Variants in TRIM66 observed in about 807,000 individuals in gnomAD.
The protein encoded by TRIM66 is tripartite motif containing 66.
Under a neutral mutation model 148.2 loss-of-function variants are expected in TRIM66, and 99 were observed. The ratio of observed to expected loss-of-function variants is 0.67; its 90% CI spans 0.57 to 0.79. The LOEUF is 0.79. Ranked by LOEUF, TRIM66 falls within the 30% of genes least tolerant of loss-of-function variation. The probability of loss-of-function intolerance (pLI) is 0.00; values close to 1 mark genes in which losing one functional copy is unlikely to be tolerated. For missense variants in TRIM66, 1,666 were observed against 1,697.9 expected (o/e 0.98, Z 0.33); for synonymous variants, 616 against 635.9 (o/e 0.97, Z 0.47).
intron 15 of TRIM66, 86 bp downstream of exon 15, chr11:8,638,568 C>G: frequency 6.9e-7 from 1 of 1,455,144 alleles, no homozygotes; most frequent in East Asian, 2.5e-5. Context: ...CGCTCCTCCC[C>G]CCACCCTATC....
At chr11:8,683,155 C>G (rs770360307), upstream of TRIM66, 1 of 1,573,700 alleles carries the variant, frequency 6.4e-7, no homozygotes, top group Non-Finnish European at 8.7e-7. Flanking sequence ...GGCATCGCCC[C>G]CTGCCCCTAA....
chr11:8,654,609 T>C (rs1944525593), intron 6 of TRIM66: 1 of 152,218 alleles, frequency 6.6e-6, no homozygotes, highest in Non-Finnish European at 1.5e-5. Flanking sequence ...CAGTTGGTAT[T>C]AAAGGATATT....
chr11:8,641,013 C>T lies in TRIM66; in HGVS notation c.1362G>A (p.Lys454=). Residue 454 remains lysine, a synonymous_variant, in exon 14 of 25, where the codon AAG becomes AAA. Coordinates refer to ENST00000646038, the MANE Select transcript of TRIM66 (RefSeq NM_001388022.1). ...QQEALSHPSH[K]FQSPAVCSSS... ...AGGAGCACACTGCTGGAGACTGGAACTTGTGTGAGGGGTGGCTAAGAGCCT... is the reference window on the plus strand; with the variant it reads ...AGGAGCACACTGCTGGAGACTGGAATTTGTGTGAGGGGTGGCTAAGAGCCT... 1 of 1,551,566 alleles carries T rather than the reference C, an allele frequency of 6.4e-7. No individual in the cohort carries two copies. Among genetic ancestry groups the T allele is most frequent in the South Asian group, 1.2e-5 (1 of 84,052 alleles).
At chr11:8,648,384 C>G in intron 9 of TRIM66, 32 bp downstream of exon 9, 1 of 1,549,166 alleles carries the variant, frequency 6.5e-7, no homozygotes, top group South Asian at 1.2e-5. Context: ...AGAGCCCTCC[C>G]CAGCCCATTT....
intron 6 of TRIM66, among the ~76,000 whole-genome samples, chr11:8,671,166 C>A (rs2038909367): frequency 6.6e-6 from 1 of 152,236 alleles, no homozygotes; most frequent in African/African-American, 2.4e-5. Flanking sequence ...AACGGTATTT[C>A]TAAGTGTTGC....
In TRIM66 at chr11:8,674,641, C is replaced by T. The variant is rs535561360; in HGVS notation, c.-112+165G>A. ...GACTCAAGCGATCCTCCATTTTGGC[C>T]GCCCGAAGTGCTGGGATTATAGGCG... On this transcript the variant is annotated intron_variant, in intron 4 of 24. Transcript: ENST00000646038. Among the ~76,000 whole-genome samples the T allele has an allele frequency of 2.0e-5, 3 of 152,104 alleles. No individual in the cohort carries two copies. The South Asian group carries it at 6.2e-4, about 32-fold the overall frequency.
intron 12 of TRIM66, among the ~76,000 whole-genome samples, chr11:8,644,767 T>C (rs1348590183): frequency 6.6e-6 from 1 of 152,194 alleles, no homozygotes; most frequent in Non-Finnish European, 1.5e-5. Flanking sequence ...CTGTCTCTAC[T>C]TCGTCACCAC....
intron 7 of TRIM66, 113 bp downstream of exon 7, chr11:8,651,687 A>G: frequency 1.1e-6 from 1 of 880,278 alleles, no homozygotes; most frequent in Non-Finnish European, 1.9e-6. Context: ...AGGAAAACTG[A>G]TGGAGAAGTA....
intron 7 of TRIM66, 100 bp downstream of exon 7, chr11:8,651,699 CA>C: frequency 1.0e-6 from 1 of 965,570 alleles, no homozygotes; most frequent in Non-Finnish European, 1.6e-6. Flanking sequence ...GGAGAAGTAA[CA>C]AATCAGATGA....
chr11:8,636,746 A>G (rs1459840183), intron 15 of TRIM66, among the ~76,000 whole-genome samples: 2 of 152,096 alleles, frequency 1.3e-5, no homozygotes, highest in African/African-American at 4.8e-5. Flanking sequence ...GGTCTCCCTT[A>G]CCACAGCTAA....
intron 10 of TRIM66, among the ~76,000 whole-genome samples, chr11:8,647,395 A>G (rs2036960389): frequency 6.6e-6 from 1 of 152,130 alleles, no homozygotes; most frequent in Non-Finnish European, 1.5e-5. Flanking sequence ...CCAAACCTCT[A>G]TGAACCTCAG....
At chr11:8,677,775 G>T (rs543204162) in intron 3 of TRIM66, among the ~76,000 whole-genome samples, 1 of 151,972 alleles carries the variant, frequency 6.6e-6, no homozygotes, top group Non-Finnish European at 1.5e-5. Context: ...CTCTTTTCAC[G>T]TTTTGTTACT....
Position 8,620,443 on chromosome 11 carries a change from T to C in TRIM66, c.3672+3A>G. 1 of 1,551,718 alleles carries C rather than the reference T, an allele frequency of 6.4e-7. No homozygotes were observed. The highest frequency in any genetic ancestry group is 8.7e-7 in the Non-Finnish European group (1 of 1,146,950). ...AACCTTGTTTCCAAAGACTCCTCCCTACCTTCTGGTCATACATGCTTAGGC... is the reference window on the plus strand; with the variant it reads ...AACCTTGTTTCCAAAGACTCCTCCCCACCTTCTGGTCATACATGCTTAGGC... On this transcript the variant is annotated splice_donor_region_variant and intron_variant, in intron 21 of 24. Coordinates refer to ENST00000646038, the MANE Select transcript of TRIM66 (RefSeq NM_001388022.1).
Position 8,645,878 on chromosome 11 carries a change from T to C in TRIM66, c.967A>G (p.Asn323Asp). The C allele has an allele frequency of 6.4e-7, 1 of 1,551,612 alleles. No individual in the cohort carries two copies. Among genetic ancestry groups the C allele is most frequent in the South Asian group, 1.2e-5 (1 of 84,066 alleles). Reference protein sequence around the residue: ...GLIEELEGITNERKRKLEQQL... With the variant: ...GLIEELEGITDERKRKLEQQL... ...TGTTCCAGCTTCCGCTTTCTCTCATTAGTAATCCCCTGGGTACAGAGAGAA... is the reference window on the plus strand; with the variant it reads ...TGTTCCAGCTTCCGCTTTCTCTCATCAGTAATCCCCTGGGTACAGAGAGAA... Residue 323 changes from asparagine (N) to aspartate (D), a missense_variant, in exon 12 of 25, where the codon AAT becomes GAT. Asn to Asp is a conservative substitution (Grantham distance 23). This residue lies in a region of TRIM66 where 1,431 missense variants were observed against 1,412.4 expected (regional missense o/e 1.01). Coordinates refer to ENST00000646038, the MANE Select transcript of TRIM66 (RefSeq NM_001388022.1).
At position 8,640,845 on chromosome 11, in the gene TRIM66, G is replaced by A; in HGVS notation, c.1530C>T (p.Ala510=). The stretch of plus-strand genomic sequence containing the variant: ...CCAGCTCTTTCTCCCTGGGCAGCAG[G>A]GCAGAGCACTGCAGAGACCCCAGCT... The part of the protein sequence containing the change: ...PQQLGSLQCS[A]LLPREKELAC... Residue 510 remains alanine, a synonymous_variant, in exon 14 of 25, where the codon GCC becomes GCT. Coordinates refer to ENST00000646038, the MANE Select transcript of TRIM66 (RefSeq NM_001388022.1). 1 of 1,550,486 alleles carries A rather than the reference G, an allele frequency of 6.4e-7. No individual in the cohort carries two copies. Among genetic ancestry groups the A allele is most frequent in the Non-Finnish European group, 8.7e-7 (1 of 1,146,966 alleles).
In TRIM66 at chr11:8,672,064, G is replaced by A. The variant is rs760048137; in HGVS notation, c.62C>T (p.Ser21Leu). 7 of 1,535,456 alleles carry A rather than the reference G, an allele frequency of 4.6e-6. No individual in the cohort carries two copies. The South Asian group carries it at 5.9e-5, about 13-fold the overall frequency. ...VELARSTRCFSPEDISGKAPV... is the reference protein window; with the variant it reads ...VELARSTRCFLPEDISGKAPV... Reference sequence around the variant, plus strand: ...GGCTTTTCCACTGATATCCTCAGGTGAGAAGCAGCGTGTAGAGCGAGCCAG... The same window carrying A: ...GGCTTTTCCACTGATATCCTCAGGTAAGAAGCAGCGTGTAGAGCGAGCCAG... Residue 21 changes from serine to leucine, a missense_variant, in exon 6 of 25, where the codon TCA (serine) becomes TTA (leucine). By Grantham distance (145) the Ser-to-Leu change is moderately radical. This residue lies in a region of TRIM66 where 1,431 missense variants were observed against 1,412.4 expected (regional missense o/e 1.01). Coordinates refer to ENST00000646038, the MANE Select transcript of TRIM66 (RefSeq NM_001388022.1).
At chr11:8,640,127 G>A in intron 14 of TRIM66, 100 bp downstream of exon 14, 6 of 1,238,542 alleles carry the variant, frequency 4.8e-6, no homozygotes, top group Non-Finnish European at 4.5e-6. Flanking sequence ...CTAAGGTGCA[G>A]AAACTGTATT....
intron 6 of TRIM66, among the ~76,000 whole-genome samples, chr11:8,665,018 C>T (rs1279118938): frequency 6.6e-6 from 1 of 152,104 alleles, no homozygotes; most frequent in Non-Finnish European, 1.5e-5. Flanking sequence ...TGTAGCGTGG[C>T]TCCATCTGGT....
At chr11:8,658,502 T>C (rs1344373330) in intron 6 of TRIM66, among the ~76,000 whole-genome samples, 2 of 152,144 alleles carry the variant, frequency 1.3e-5, no homozygotes, top group Non-Finnish European at 2.9e-5. Context: ...CGGCAGCTCA[T>C]TTAAATAGAG....
Sources: gnomAD v4.1 joint callset for allele counts (sites outside exome capture counted in the v4.1 genomes callset) on GRCh38, gnomAD v4.1.1 for gene constraint, gnomAD v4.1.1 regional missense constraint, MANE v1.5 for transcripts, NCBI Gene and HGNC (gene_info 2026-07-23, HGNC 2026-07-21) for gene names.